PCCB: variants seen among roughly 807,000 people sequenced by gnomAD.
PCCB encodes propionyl-CoA carboxylase subunit beta.
A neutral mutation model predicts 60.7 loss-of-function variants in PCCB; 43 were observed. The ratio of observed to expected loss-of-function variants is 0.71; its 90% CI spans 0.55 to 0.91. PCCB has a LOEUF of 0.91. Ranked by LOEUF, PCCB falls within the 40% of genes least tolerant of loss-of-function variation. The probability of loss-of-function intolerance (pLI) is 0.00; values close to 1 mark genes in which losing one functional copy is unlikely to be tolerated. For missense variants in PCCB, 766 were observed against 702.8 expected (o/e 1.09, Z -1.02); for synonymous variants, 276 against 255.9 (o/e 1.08, Z -0.75).
intron 7 of PCCB, among the ~76,000 whole-genome samples, chr3:136,296,341 C>T (rs982718011): frequency 1.3e-5 from 2 of 152,156 alleles, no homozygotes; most frequent in Admixed American, 6.6e-5. Context: ...TGGACATTTC[C>T]TAGAAATGGA....
chr3:136,308,638 C>A (rs1934537432), intron 9 of PCCB, among the ~76,000 whole-genome samples: 1 of 152,156 alleles, frequency 6.6e-6, no homozygotes, highest in African/African-American at 2.4e-5. Flanking sequence ...AACAATAAAT[C>A]TTATTCTGAA....
At chr3:136,328,993 C>A in intron 14 of PCCB, 136 bp downstream of exon 14, 1 of 740,418 alleles carries the variant, frequency 1.4e-6, no homozygotes, top group Non-Finnish European at 2.4e-6. Flanking sequence ...GGGACTGTCC[C>A]TGGGCAGTCA....
intron 5 of PCCB, among the ~76,000 whole-genome samples, chr3:136,281,573 A>T (rs1226760619): frequency 6.6e-6 from 1 of 152,118 alleles, no homozygotes; most frequent in African/African-American, 2.4e-5. Context: ...TATTTAAGAC[A>T]GTTCATGTGC....
At chr3:136,311,430 C>T (rs931485470) in intron 9 of PCCB, among the ~76,000 whole-genome samples, 1 of 152,076 alleles carries the variant, frequency 6.6e-6, no homozygotes. Context: ...CAACTCACTG[C>T]AGCTTCAACT....
At chr3:136,295,135 C>T (rs1390324147) in intron 7 of PCCB, among the ~76,000 whole-genome samples, 1 of 152,188 alleles carries the variant, frequency 6.6e-6, no homozygotes, top group African/African-American at 2.4e-5. Flanking sequence ...GAATGGATTA[C>T]CTACCACACA....
At chr3:136,313,103 A>T (rs1192705563) in intron 9 of PCCB, among the ~76,000 whole-genome samples, 1 of 152,234 alleles carries the variant, frequency 6.6e-6, no homozygotes, top group East Asian at 1.9e-4. Flanking sequence ...TCCATTGGAA[A>T]GTCAGTGGAG....
chr3:136,260,370 G>A (rs538226150), intron 3 of PCCB, 109 bp from the exon 4 acceptor site: 56 of 896,468 alleles, frequency 6.2e-5, no homozygotes, highest in Non-Finnish European at 8.8e-5. Flanking sequence ...GAGCCACCAC[G>A]CCTGGCCTAA....
chr3:136,313,192 G>A (rs930769722), intron 9 of PCCB, among the ~76,000 whole-genome samples: 3 of 152,126 alleles, frequency 2.0e-5, no homozygotes, highest in Non-Finnish European at 4.4e-5. Flanking sequence ...CTTTAACTCA[G>A]CAATCCCATT....
intron 9 of PCCB, among the ~76,000 whole-genome samples, chr3:136,314,064 C>T (rs1934781068): frequency 6.6e-6 from 1 of 151,998 alleles, no homozygotes; most frequent in Admixed American, 6.6e-5. Flanking sequence ...AAAAGGAACC[C>T]AGGCCTTTTG....
At chr3:136,267,773 C>T (rs927524421) in intron 5 of PCCB, among the ~76,000 whole-genome samples, 6 of 151,856 alleles carry the variant, frequency 4.0e-5, no homozygotes, top group Non-Finnish European at 5.9e-5. Flanking sequence ...TGGCATGAGC[C>T]GATGTGCCCA....
chr3:136,250,615 C>T (rs1941488137), intron 1 of PCCB, 57 bp downstream of exon 1: 6 of 1,526,918 alleles, frequency 3.9e-6, no homozygotes, highest in Non-Finnish European at 5.3e-6. Context: ...CCTATCACTG[C>T]GTGCCCGGCT....
chr3:136,299,835 CATGTGTATGTATATGCATGCATATGT>C (rs1232300312), intron 8 of PCCB, among the ~76,000 whole-genome samples: 4 of 151,290 alleles, frequency 2.6e-5, no homozygotes, highest in Admixed American at 2.6e-4. Context: ...TATGTATATG[CATGTGTATGTATATGCATGCATATGT>C]ATGTATATGC....
intron 10 of PCCB, among the ~76,000 whole-genome samples, chr3:136,317,932 C>T (rs2108227794): frequency 6.6e-6 from 1 of 152,318 alleles, no homozygotes; most frequent in Middle Eastern, 3.4e-3. Context: ...CCACTTCTCT[C>T]CTCAATATTT....
intron 9 of PCCB, among the ~76,000 whole-genome samples, chr3:136,302,435 C>G (rs1379915294): frequency 8.2e-6 from 1 of 121,328 alleles, no homozygotes; most frequent in Non-Finnish European, 1.8e-5. Flanking sequence ...CTAACTTTTT[C>G]TTAAGGTACA....
At chr3:136,254,617 C>T (rs906858768) in intron 1 of PCCB, among the ~76,000 whole-genome samples, 1 of 147,910 alleles carries the variant, frequency 6.8e-6, no homozygotes, top group African/African-American at 2.5e-5. Context: ...ACCACAACCT[C>T]CGCTTCCCAG....
At chr3:136,291,051 T>C (rs1158389965) in intron 6 of PCCB, among the ~76,000 whole-genome samples, 4 of 152,156 alleles carry the variant, frequency 2.6e-5, no homozygotes, top group Admixed American at 2.0e-4. Flanking sequence ...TGGTATATTT[T>C]AGTTATTTTT....
chr3:136,295,614 G>T (rs911433849), intron 7 of PCCB, among the ~76,000 whole-genome samples: 5 of 152,200 alleles, frequency 3.3e-5, no homozygotes, highest in African/African-American at 9.7e-5. Flanking sequence ...TAGATTTGAT[G>T]AAATATGCTG....
At chr3:136,300,084 G>A (rs531790599) in intron 8 of PCCB, among the ~76,000 whole-genome samples, 31 of 145,760 alleles carry the variant, frequency 2.1e-4, no homozygotes, top group East Asian at 3.9e-4. Context: ...ATGCATATAC[G>A]CATATCTACA....
In PCCB at chr3:136,308,927, A is replaced by AC. The variant is rs767367710; in HGVS notation, c.966+7817dup. Among the ~76,000 whole-genome samples, 4 of 152,158 alleles carry AC rather than the reference A, an allele frequency of 2.6e-5. 1 individual carries two copies. Among genetic ancestry groups the AC allele is most frequent in the Admixed American group, 6.5e-5 (1 of 15,268 alleles). On this transcript the variant is annotated intron_variant, in intron 9 of 14. Transcript: ENST00000251654. ...CTATAGAATATGTTTAAAACGATGA[A>AC]CAGATGAAAATCTGTTTCCTGAAAC...
Sources: gnomAD v4.1 joint callset for allele counts (sites outside exome capture counted in the v4.1 genomes callset) on GRCh38, gnomAD v4.1.1 for gene constraint, MANE v1.5 for transcripts, NCBI Gene and HGNC (gene_info 2026-07-23, HGNC 2026-07-21) for gene names.